Variants in SPMIP3 observed in about 807,000 individuals in gnomAD.
SPMIP3 encodes protein SPMIP3.
At chr1:244,358,062 A>G in the SPMIP3 span, among the ~76,000 whole-genome samples, 8 of 152,086 alleles carry the variant, frequency 5.3e-5, no homozygotes, top group Admixed American at 2.0e-4. Context: ...ATCTCTACTA[A>G]AAACGAAAAT....
At chr1:244,387,298 A>AAG in the SPMIP3 span, among the ~76,000 whole-genome samples, 1 of 140,030 alleles carries the variant, frequency 7.1e-6, no homozygotes, top group Non-Finnish European at 1.5e-5. Context: ...ACTCCGTCTG[A>AAG]AAAAAAAAAA....
the SPMIP3 span, among the ~76,000 whole-genome samples, chr1:244,355,955 T>A: frequency 0.4 from 60,712 of 151,798 alleles, 12,701 homozygotes; most frequent in Middle Eastern, 0.5. Flanking sequence ...TGTTTGTTCT[T>A]TTTTTTATTT....
the SPMIP3 span, among the ~76,000 whole-genome samples, chr1:244,362,945 G>A: frequency 4.1e-5 from 6 of 147,992 alleles, no homozygotes; most frequent in Non-Finnish European, 7.4e-5. Flanking sequence ...CTGGGCTCAA[G>A]CGATCCTCCC....
chr1:244,359,172 C>T, the SPMIP3 span, among the ~76,000 whole-genome samples: 1 of 151,842 alleles, frequency 6.6e-6, no homozygotes, highest in African/African-American at 2.4e-5. Flanking sequence ...TTTGGTATCC[C>T]TCACATAAGG....
chr1:244,369,785 T>A, the SPMIP3 span, among the ~76,000 whole-genome samples: 1 of 152,226 alleles, frequency 6.6e-6, no homozygotes, highest in African/African-American at 2.4e-5. Context: ...GGTGTGCTGT[T>A]TGCATGGCAC....
At chr1:244,361,205 T>A in the SPMIP3 span, among the ~76,000 whole-genome samples, 1 of 150,016 alleles carries the variant, frequency 6.7e-6, no homozygotes, top group African/African-American at 2.4e-5. Flanking sequence ...TGTCTATAAT[T>A]TATCGTACAT....
chr1:244,368,962 A>G, the SPMIP3 span, among the ~76,000 whole-genome samples: 6 of 152,228 alleles, frequency 3.9e-5, no homozygotes, highest in Non-Finnish European at 7.3e-5. Flanking sequence ...GATTGAGACC[A>G]TCCTGGCCAA....
At chr1:244,386,902 C>T in the SPMIP3 span, among the ~76,000 whole-genome samples, 256 of 152,298 alleles carry the variant, frequency 1.7e-3, no homozygotes, top group Middle Eastern at 3.4e-3. Flanking sequence ...GCTATGTATA[C>T]TTGGGCAAAT....
the SPMIP3 span, among the ~76,000 whole-genome samples, chr1:244,357,707 CAAAA>C: frequency 3.2e-5 from 3 of 95,114 alleles, no homozygotes; most frequent in Non-Finnish European, 4.0e-5. Flanking sequence ...GACTCCATCT[CAAAA>C]AAAAAAAAAA....
chr1:244,383,704 A>G, the SPMIP3 span, among the ~76,000 whole-genome samples: 1 of 152,190 alleles, frequency 6.6e-6, no homozygotes, highest in African/African-American at 2.4e-5. Flanking sequence ...GCATGTGCAA[A>G]GGCCTTGTGG....
At chr1:244,386,824 C>G in the SPMIP3 span, among the ~76,000 whole-genome samples, 1 of 152,184 alleles carries the variant, frequency 6.6e-6, no homozygotes, top group African/African-American at 2.4e-5. Context: ...GGAATGCAGA[C>G]TAGAACAGTG....
chr1:244,374,743 T>C, the SPMIP3 span, among the ~76,000 whole-genome samples: 1 of 151,858 alleles, frequency 6.6e-6, no homozygotes, highest in East Asian at 1.9e-4. Flanking sequence ...ATTACAGGCA[T>C]GTGCCACCAC....
the SPMIP3 span, among the ~76,000 whole-genome samples, chr1:244,374,753 C>G: frequency 6.6e-6 from 1 of 151,718 alleles, no homozygotes; most frequent in Non-Finnish European, 1.5e-5. Context: ...TGTGCCACCA[C>G]GTCCAGCTTT....
the SPMIP3 span, among the ~76,000 whole-genome samples, chr1:244,373,612 T>C: frequency 2.0e-5 from 3 of 151,688 alleles, no homozygotes; most frequent in South Asian, 2.1e-4. Context: ...TATTTTGTAA[T>C]ATCTCTGCTA....
chr1:244,384,951 G>C, the SPMIP3 span, among the ~76,000 whole-genome samples: 2 of 152,286 alleles, frequency 1.3e-5, no homozygotes, highest in Admixed American at 1.3e-4. Context: ...ACCCAGGCTG[G>C]AGTGCAGTGG....
the SPMIP3 span, among the ~76,000 whole-genome samples, chr1:244,359,140 C>CAAAA: frequency 7.5e-6 from 1 of 133,198 alleles, no homozygotes; most frequent in Non-Finnish European, 1.6e-5. Context: ...TGATTAATGG[C>CAAAA]AAAAAAAAAA....
chr1:244,383,426 C>T, the SPMIP3 span, among the ~76,000 whole-genome samples: 1 of 152,100 alleles, frequency 6.6e-6, no homozygotes. Context: ...AGGAGGACTG[C>T]TTGAGCCCAG....
chr1:244,376,123 T>G, the SPMIP3 span, among the ~76,000 whole-genome samples: 2 of 152,174 alleles, frequency 1.3e-5, no homozygotes, highest in African/African-American at 4.8e-5. Context: ...TCTCAATGAT[T>G]CTTCAGGCCC....
At chr1:244,369,776 G>T in the SPMIP3 span, among the ~76,000 whole-genome samples, 1 of 152,186 alleles carries the variant, frequency 6.6e-6, no homozygotes, top group Non-Finnish European at 1.5e-5. Flanking sequence ...TTAGGACTAG[G>T]TGTGCTGTTT....
Sources: gnomAD v4.1 joint callset for allele counts (sites outside exome capture counted in the v4.1 genomes callset) on GRCh38, gnomAD v4.1.1 for gene constraint, MANE v1.5 for transcripts, NCBI Gene and HGNC (gene_info 2026-07-23, HGNC 2026-07-21) for gene names.